BYSL: variants seen among roughly 807,000 people sequenced by gnomAD.
BYSL encodes bystin like, also known as bystin.
In BYSL, 21 loss-of-function variants were observed where a neutral mutation model predicts 45.4. The observed-to-expected ratio is 0.46, with a 90% confidence interval of 0.33 to 0.67. The LOEUF (loss-of-function observed/expected upper bound fraction) is 0.67. BYSL is among the 30% of genes least tolerant of loss of function. The pLI is 0.02. For missense variants in BYSL, 522 were observed against 578.5 expected, an observed-to-expected ratio of 0.90 and a Z score of 1.00; for synonymous variants, 215 against 231.3, an observed-to-expected ratio of 0.93 and a Z score of 0.64.
At chr6:41,924,560 T>C (rs1037731490) in intron 1 of BYSL, among the ~76,000 whole-genome samples, 35 of 152,210 alleles carry the variant, frequency 2.3e-4, no homozygotes, top group African/African-American at 8.2e-4. Context: ...CCCCGAACAG[T>C]GCCTCACATA....
chr6:41,925,718 T>C (rs1775555077), intron 1 of BYSL, among the ~76,000 whole-genome samples: 1 of 151,554 alleles, frequency 6.6e-6, no homozygotes, highest in East Asian at 1.9e-4. Flanking sequence ...TTTGCTGTTG[T>C]TGCCCAGGCT....
chr6:41,920,402 C>G (rs1775430060), upstream of BYSL, among the ~76,000 whole-genome samples: 1 of 152,078 alleles, frequency 6.6e-6, no homozygotes, highest in Non-Finnish European at 1.5e-5. Context: ...TTGCTTATGG[C>G]CCACTCCCTC....
At chr6:41,916,848 G>C, upstream of BYSL, 1 of 1,614,062 alleles carries the variant, frequency 6.2e-7, no homozygotes, top group Non-Finnish European at 8.5e-7. Context: ...AATGTTCCTT[G>C]CTTCTCTGCC....
intron 1 of BYSL, 147 bp downstream of exon 1, chr6:41,921,977 C>A: frequency 2.4e-6 from 3 of 1,226,144 alleles, no homozygotes; most frequent in Non-Finnish European, 3.3e-6. Flanking sequence ...CTGTCTAGAG[C>A]CCTCCGCGTC....
In BYSL at chr6:41,932,441, A is replaced by C; in HGVS notation, c.1049A>C (p.Tyr350Ser). ...IFLRLLLDKK[Y>S]ALPYRVLDAL... ...CTGCGACTGCTGCTGGATAAGAAGTATGCACTGCCTTACCGGGTGCTGGAT... is the reference window on the plus strand; with the variant it reads ...CTGCGACTGCTGCTGGATAAGAAGTCTGCACTGCCTTACCGGGTGCTGGAT... Residue 350 changes from tyrosine to serine, a missense_variant, in exon 7 of 7, where the codon TAT becomes TCT. Tyr to Ser is a moderately radical substitution (Grantham distance 144). Coordinates refer to ENST00000230340, the MANE Select transcript of BYSL (RefSeq NM_004053.4). The surrounding 1 kb of genome is among the most constrained non-coding windows in gnomAD (Gnocchi z 4.7). 6.2e-7 allele frequency: 1 copy of C among 1,614,168 alleles called. No individual in the cohort carries two copies. The highest frequency in any genetic ancestry group is 8.5e-7 in the Non-Finnish European group (1 of 1,180,034).
chr6:41,925,512 C>T (rs1260488150), intron 1 of BYSL, among the ~76,000 whole-genome samples: 4 of 151,434 alleles, frequency 2.6e-5, no homozygotes, highest in South Asian at 2.1e-4. Context: ...TACAGGCGCC[C>T]GCCACCACAC....
the BYSL span, chr6:41,909,477 G>A: frequency 6.2e-7 from 1 of 1,614,232 alleles, no homozygotes; most frequent in Admixed American, 1.7e-5. Flanking sequence ...ACAGCTCAAT[G>A]GGTACTCTGA....
At chr6:41,920,206 T>C (rs560309328), upstream of BYSL, among the ~76,000 whole-genome samples, 3 of 152,216 alleles carry the variant, frequency 2.0e-5, no homozygotes, top group South Asian at 2.1e-4. Flanking sequence ...GAATTAAACA[T>C]AGTGGGAAAC....
At chr6:41,914,424 A>G in the BYSL span, among the ~76,000 whole-genome samples, 2 of 152,220 alleles carry the variant, frequency 1.3e-5, no homozygotes, top group East Asian at 3.8e-4. Flanking sequence ...TCTAAGGGAA[A>G]CAGGTACATG....
chr6:41,924,984 T>C (rs191273202), intron 1 of BYSL, among the ~76,000 whole-genome samples: 4 of 152,198 alleles, frequency 2.6e-5, no homozygotes, highest in Admixed American at 2.0e-4. Context: ...AGGCTTAGCA[T>C]TGGGTGGACG....
chr6:41,909,651 G>A, the BYSL span: 2 of 1,354,958 alleles, frequency 1.5e-6, no homozygotes, highest in South Asian at 2.8e-5. Flanking sequence ...CTTGGTTGGG[G>A]GTGAGGGGAA....
upstream of BYSL, among the ~76,000 whole-genome samples, chr6:41,920,636 G>A (rs932153849): frequency 4.6e-5 from 7 of 152,102 alleles, no homozygotes; most frequent in Non-Finnish European, 7.4e-5. Flanking sequence ...GTAACCGGGC[G>A]TGGTGGCGGG....
At chr6:41,915,029 G>A in the BYSL span, among the ~76,000 whole-genome samples, 1 of 152,200 alleles carries the variant, frequency 6.6e-6, no homozygotes, top group African/African-American at 2.4e-5. Flanking sequence ...AGTAAACAGG[G>A]CCAGGAAATC....
chr6:41,923,681 T>C (rs572792231), intron 1 of BYSL, among the ~76,000 whole-genome samples: 1 of 152,248 alleles, frequency 6.6e-6, no homozygotes, highest in South Asian at 2.1e-4. Context: ...CGACCCTCCC[T>C]GCCTTGGCCT....
At chr6:41,928,123 A>G (rs1453540140) in intron 2 of BYSL, among the ~76,000 whole-genome samples, 1 of 152,158 alleles carries the variant, frequency 6.6e-6, no homozygotes, top group African/African-American at 2.4e-5. Flanking sequence ...CAGGACCACT[A>G]ATTTATTCCC....
chr6:41,930,751 CAT>C lies in BYSL; in HGVS notation c.688_689del (p.Met230ValfsTer10), dbSNP rs1276694178. 1 of 1,613,548 alleles carries C rather than the reference CAT, an allele frequency of 6.2e-7. No homozygotes were observed. The highest frequency in any genetic ancestry group is 1.1e-5 in the South Asian group (1 of 91,004). Reference protein sequence around the residue: ...TEPEAWTAAAMYQATRIFASN... With the variant: ...TEPEAWTAAAXYQATRIFASN... Reference sequence around the variant, plus strand: ...AGCCGGAGGCCTGGACTGCAGCTGCCATGTACCAGGCCACCAGGTAGAGTAGC... The same window carrying C: ...AGCCGGAGGCCTGGACTGCAGCTGCCGTACCAGGCCACCAGGTAGAGTAGC... On this transcript the variant is annotated frameshift_variant, in exon 4 of 7. Transcript: ENST00000230340. LOFTEE classifies it high-confidence loss of function.
intron 1 of BYSL, among the ~76,000 whole-genome samples, chr6:41,924,318 G>A (rs1454280467): frequency 1.3e-5 from 2 of 151,628 alleles, no homozygotes; most frequent in Non-Finnish European, 2.9e-5. Flanking sequence ...TGATCCACCC[G>A]CCTCGGCCTC....
At chr6:41,922,808 A>G (rs1257166821) in intron 1 of BYSL, among the ~76,000 whole-genome samples, 2 of 152,218 alleles carry the variant, frequency 1.3e-5, no homozygotes, top group Non-Finnish European at 2.9e-5. Flanking sequence ...CTCAAATTTA[A>G]CATGTACAAA....
chr6:41,916,848 G>A, upstream of BYSL: 1 of 1,614,062 alleles, frequency 6.2e-7, no homozygotes, highest in Non-Finnish European at 8.5e-7. Context: ...AATGTTCCTT[G>A]CTTCTCTGCC....
Sources: allele counts gnomAD v4.1 joint callset (sites outside exome capture counted in the v4.1 genomes callset), GRCh38; gene constraint gnomAD v4.1.1; non-coding constraint Gnocchi (gnomAD v3.1); transcripts MANE v1.5; gene names NCBI Gene and HGNC (gene_info 2026-07-23, HGNC 2026-07-21).